Variants in SLCO5A1 observed in about 807,000 individuals in gnomAD.
The protein encoded by SLCO5A1 is organic anion transporter polypeptide-related protein 4.
Under a neutral mutation model 65.1 loss-of-function variants are expected in SLCO5A1, and 39 were observed. That is an observed-to-expected ratio of 0.60 (90% confidence interval 0.46 to 0.78). SLCO5A1 has a LOEUF of 0.78. Ranked by LOEUF, SLCO5A1 falls within the 30% of genes least tolerant of loss-of-function variation. The pLI is 0.00. For synonymous variants in SLCO5A1, 438 were observed against 415.7 expected (o/e 1.05, Z -0.65); for missense variants, 1,029 against 1,069.4 (o/e 0.96, Z 0.53).
chr8:69,764,077 C>G (rs987047830), intron 2 of SLCO5A1, among the ~76,000 whole-genome samples: 1 of 152,132 alleles, frequency 6.6e-6, no homozygotes, highest in Non-Finnish European at 1.5e-5. Context: ...GTTGGCCATA[C>G]TGGTCGCGAA....
rs148450004 is a variant in SLCO5A1 at position 69,736,057 on chromosome 8, A to G, written c.1423+1983T>C. 4.2e-4 allele frequency among the ~76,000 whole-genome samples: 64 copies of G among 152,360 alleles called. No homozygotes were observed. The East Asian group carries it at 0.012, about 28-fold the overall frequency. On this transcript the variant is annotated intron_variant, in intron 5 of 9. Coordinates refer to ENST00000260126, the MANE Select transcript of SLCO5A1 (RefSeq NM_030958.3). The stretch of plus-strand genomic sequence containing the variant: ...AAACATTGTATAAACTGCATTGGCT[A>G]TGATCAAAACAAACAAAAGTTGCTG...
Position 69,826,971 on chromosome 8 carries a change from A to C in SLCO5A1, c.907+4796T>G, listed in dbSNP as rs539176285. Among the ~76,000 whole-genome samples the C allele has an allele frequency of 8.9e-4, 135 of 152,314 alleles. 3 individuals are homozygous for C. In the South Asian group the frequency reaches 0.02, roughly 22 times the overall value. ...ACCATGGAATACTATGCAGCCATAT[A>C]AAATGATGAGTTCATGTCCTTTGTA... On this transcript the variant is annotated intron_variant, in intron 2 of 9. Transcript: ENST00000260126.
chr8:69,696,568 G>C (rs187096961), intron 6 of SLCO5A1, among the ~76,000 whole-genome samples: 1 of 152,232 alleles, frequency 6.6e-6, no homozygotes, highest in African/African-American at 2.4e-5. Flanking sequence ...GCTTCTCTAA[G>C]GAACCTGGAA....
intron 2 of SLCO5A1, among the ~76,000 whole-genome samples, chr8:69,766,664 TAA>T (rs1316542046): frequency 1.3e-5 from 2 of 152,214 alleles, no homozygotes; most frequent in African/African-American, 4.8e-5. Flanking sequence ...AACTAAAAAT[TAA>T]AGACTCTTTG....
rs756314883 is a variant in SLCO5A1, at chr8:69,682,175, T to C, written c.1782+9A>G. The C allele has an allele frequency of 4.4e-6, 7 of 1,598,672 alleles. No homozygotes were observed. Among genetic ancestry groups the C allele is most frequent in the Admixed American group, 3.5e-5 (2 of 56,910 alleles). ...ACTAACAGAAGAGGAACTTGTGAAA[T>C]ATACTCACCCCAGTGCTAAGATTAC... On this transcript the variant is annotated intron_variant, in intron 7 of 9. Transcript: ENST00000260126.
At chr8:69,821,896 G>A (rs1258897578) in intron 2 of SLCO5A1, among the ~76,000 whole-genome samples, 3 of 152,050 alleles carry the variant, frequency 2.0e-5, no homozygotes, top group African/African-American at 2.4e-5. Context: ...GGAGGCCAAG[G>A]TGGGTGGGTC....
At chr8:69,741,424 C>T (rs1816782606) in intron 4 of SLCO5A1, among the ~76,000 whole-genome samples, 1 of 152,136 alleles carries the variant, frequency 6.6e-6, no homozygotes, top group Admixed American at 6.5e-5. Context: ...CTGTACCCTC[C>T]GTAGGAGTGA....
At chr8:69,825,886 A>G (rs1365826782) in intron 2 of SLCO5A1, among the ~76,000 whole-genome samples, 4 of 152,196 alleles carry the variant, frequency 2.6e-5, no homozygotes, top group Non-Finnish European at 5.9e-5. Context: ...ACTATACTAC[A>G]AGCCTACAGT....
chr8:69,794,813 C>T (rs1047922302), intron 2 of SLCO5A1: 3 of 161,018 alleles, frequency 1.9e-5, no homozygotes, highest in Non-Finnish European at 2.7e-5. Context: ...TCTGCAGGCT[C>T]TAAAGGAAGC....
intron 6 of SLCO5A1, among the ~76,000 whole-genome samples, chr8:69,687,921 T>G (rs1814071327): frequency 6.6e-6 from 1 of 151,930 alleles, no homozygotes; most frequent in Non-Finnish European, 1.5e-5. Context: ...AAGGTAAACT[T>G]GGTCCTAAGT....
chr8:69,786,480 AAG>A (rs1819044255), intron 2 of SLCO5A1, among the ~76,000 whole-genome samples: 1 of 152,222 alleles, frequency 6.6e-6, no homozygotes, highest in South Asian at 2.1e-4. Context: ...TTCAGTGCTT[AAG>A]CTACAACAAT....
chr8:69,827,293 A>G lies in SLCO5A1; in HGVS notation c.907+4474T>C, dbSNP rs184229431. Among the ~76,000 whole-genome samples, 293 of 152,152 alleles carry G rather than the reference A, an allele frequency of 1.9e-3. No individual in the cohort carries two copies. The Middle Eastern group carries it at 0.02, about 11-fold the overall frequency. ...GCACATGTACCCTAAAACTTAAAGTATAATAATATTTAAAAAAAGAGAAAA... is the reference window on the plus strand; with the variant it reads ...GCACATGTACCCTAAAACTTAAAGTGTAATAATATTTAAAAAAAGAGAAAA... On this transcript the variant is annotated intron_variant, in intron 2 of 9. Transcript: ENST00000260126.
At chr8:69,735,417 C>A (rs1189769879) in intron 5 of SLCO5A1, among the ~76,000 whole-genome samples, 8 of 152,166 alleles carry the variant, frequency 5.3e-5, no homozygotes, top group Non-Finnish European at 8.8e-5. Context: ...ATGGAATCAA[C>A]TCAAATGCCC....
intron 5 of SLCO5A1, among the ~76,000 whole-genome samples, chr8:69,721,353 C>T (rs1394067787): frequency 6.6e-6 from 1 of 152,114 alleles, no homozygotes; most frequent in Non-Finnish European, 1.5e-5. Context: ...CTGATATTCT[C>T]AAAAAGTATA....
At chr8:69,794,517 T>C (rs1285432233) in intron 2 of SLCO5A1, 2 of 401,028 alleles carry the variant, frequency 5.0e-6, no homozygotes, top group Non-Finnish European at 9.9e-6. Flanking sequence ...ATGAGCAGTA[T>C]GTCAGCACTC....
intron 5 of SLCO5A1, among the ~76,000 whole-genome samples, chr8:69,708,761 G>A (rs1815085522): frequency 6.6e-6 from 1 of 151,916 alleles, no homozygotes; most frequent in Non-Finnish European, 1.5e-5. Flanking sequence ...AAAATCAGTA[G>A]GGCTTGGTGG....
At chr8:69,723,412 C>T (rs980086769) in intron 5 of SLCO5A1, among the ~76,000 whole-genome samples, 1 of 151,790 alleles carries the variant, frequency 6.6e-6, no homozygotes, top group African/African-American at 2.4e-5. Context: ...CCACCATGCC[C>T]ACCTAATTTT....
At chr8:69,790,499 G>A (rs908549433) in intron 2 of SLCO5A1, among the ~76,000 whole-genome samples, 1 of 152,014 alleles carries the variant, frequency 6.6e-6, no homozygotes, top group African/African-American at 2.4e-5. Flanking sequence ...AGAGAGCCAG[G>A]TGTGGTGGCA....
chr8:69,722,201 T>C (rs1215912596), intron 5 of SLCO5A1, among the ~76,000 whole-genome samples: 1 of 151,948 alleles, frequency 6.6e-6, no homozygotes, highest in Non-Finnish European at 1.5e-5. Context: ...TAAAATAAAA[T>C]AATAAATGCG....
Sources: gnomAD v4.1 joint callset for allele counts (sites outside exome capture counted in the v4.1 genomes callset) on GRCh38, gnomAD v4.1.1 for gene constraint, MANE v1.5 for transcripts, NCBI Gene and HGNC (gene_info 2026-07-23, HGNC 2026-07-21) for gene names.